SRP19: variants seen among roughly 807,000 people sequenced by gnomAD.
SRP19 encodes the protein signal recognition particle 19, also known as signal recognition particle 19 kDa protein.
In SRP19, 11 loss-of-function variants were observed where a neutral mutation model predicts 22.4. That is an observed-to-expected ratio of 0.49 (90% CI 0.31 to 0.81). The LOEUF is 0.81. SRP19 is among the 40% of genes least tolerant of loss of function. The probability of loss-of-function intolerance (pLI) is 0.05; values close to 1 mark genes in which losing one functional copy is unlikely to be tolerated. For synonymous variants in SRP19, 61 were observed against 57.6 expected (o/e 1.06, Z -0.27); for missense variants, 168 against 175.9 (o/e 0.96, Z 0.25).
downstream of SRP19, chr5:112,869,897 A>G (rs935362877): frequency 6.6e-6 from 1 of 152,202 alleles, no homozygotes; most frequent in Non-Finnish European, 1.5e-5. Flanking sequence ...TTTCCTTTAT[A>G]ATTAATCAGT....
chr5:112,889,380 C>T (rs1350098027), intron 4 of SRP19, among the ~76,000 whole-genome samples: 1 of 150,604 alleles, frequency 6.6e-6, no homozygotes, highest in Non-Finnish European at 1.5e-5. Flanking sequence ...ATCAGACAAA[C>T]ACCAACTCCC....
intron 4 of SRP19, chr5:112,887,256 T>C (rs897481997): frequency 4.8e-5 from 65 of 1,351,132 alleles, no homozygotes; most frequent in Non-Finnish European, 6.1e-5. Context: ...ACACTGTCTT[T>C]CACTACTCTG....
Position 112,862,584 on chromosome 5 carries a change from G to A in SRP19, c.117+1G>A. 2 of 1,613,394 alleles carry A rather than the reference G, an allele frequency of 1.2e-6. No homozygotes were observed. The highest frequency in any genetic ancestry group is 8.5e-7 in the Non-Finnish European group (1 of 1,179,750). On this transcript the variant is annotated splice_donor_variant, in intron 2 of 4. Transcript: ENST00000505459. LOFTEE classifies it high-confidence loss of function. ...GGGAAGGCGAATCCCCATAAGTAAG[G>A]TAAGCAAGATGGCTGGCACCTTGAT...
At chr5:112,885,043 A>T (rs1768199901) in intron 4 of SRP19, 1 of 152,464 alleles carries the variant, frequency 6.6e-6, no homozygotes, top group Non-Finnish European at 1.5e-5. Flanking sequence ...ACAAAAACTG[A>T]ACAGCATACT....
At position 112,892,752 on chromosome 5, in the gene SRP19, G is replaced by T. The variant is rs780166262; in HGVS notation, c.*1145G>T. 3.1e-6 allele frequency: 5 copies of T among 1,613,912 alleles called. No individual in the cohort carries two copies. The East Asian group carries it at 1.1e-4, about 36-fold the overall frequency. On this transcript the variant is annotated 3_prime_UTR_variant, in exon 5 of 5. Transcript: ENST00000391338. ...GCAAGAACTCCGAGAGGAGGGAGAA[G>T]ATGGGCCACCACGACCACTACTACA...
At chr5:112,893,420 A>T (rs779936986), downstream of SRP19, 37 of 176,796 alleles carry the variant, frequency 2.1e-4, no homozygotes, top group Non-Finnish European at 3.7e-4. Context: ...AAAAAATAGA[A>T]TTTTTGGACT....
intron 4 of SRP19, among the ~76,000 whole-genome samples, chr5:112,882,405 CCATTGTCAAG>C: frequency 6.6e-6 from 1 of 152,298 alleles, no homozygotes; most frequent in African/African-American, 2.4e-5. Context: ...AGGTTAAATT[CCATTGTCAAG>C]CATTAACCAC....
chr5:112,872,415 G>A (rs1353343095), downstream of SRP19, among the ~76,000 whole-genome samples: 1 of 140,274 alleles, frequency 7.1e-6, no homozygotes, highest in Non-Finnish European at 1.5e-5. Context: ...TGCAACCTCT[G>A]CCTCCCGGGT....
intron 4 of SRP19, among the ~76,000 whole-genome samples, chr5:112,866,381 G>A (rs929679275): frequency 8.5e-5 from 13 of 152,082 alleles, no homozygotes; most frequent in Admixed American, 7.2e-4. Flanking sequence ...CTCCCAGAAT[G>A]TTGGGATTAT....
At chr5:112,862,260 A>T in intron 1 of SRP19, 2 of 552,544 alleles carry the variant, frequency 3.6e-6, no homozygotes, top group South Asian at 4.2e-5. Context: ...TGCCAGTCTG[A>T]TTGGTTGAGG....
Position 112,869,745 on chromosome 5 carries a change from A to G in SRP19, c.*2208A>G, listed in dbSNP as rs892840175. 9.2e-5 allele frequency: 14 copies of G among 152,158 alleles called. No homozygotes were observed. Among genetic ancestry groups the G allele is most frequent in the Admixed American group, 7.2e-4 (11 of 15,280 alleles). 9.4% of individuals were successfully genotyped at this position (152,158 alleles called of 1,614,324 possible). ...GACTCTCAGGAGATCTGTTGGTTTT[A>G]TAAGTGCCTGGCGTTTCCCCTGCTT... On this transcript the variant is annotated 3_prime_UTR_variant, in exon 5 of 5. Coordinates refer to ENST00000505459, the MANE Select transcript of SRP19 (RefSeq NM_003135.3).
intron 4 of SRP19, among the ~76,000 whole-genome samples, chr5:112,887,664 C>T (rs547763444): frequency 1.3e-5 from 2 of 152,224 alleles, no homozygotes; most frequent in Non-Finnish European, 2.9e-5. Flanking sequence ...TGAATTCTTC[C>T]TTTGGTGGAC....
downstream of SRP19, among the ~76,000 whole-genome samples, chr5:112,873,629 G>A (rs921386200): frequency 6.6e-6 from 1 of 152,036 alleles, no homozygotes; most frequent in African/African-American, 2.4e-5. Context: ...TTACGGGCAT[G>A]AGCCACTGCA....
intron 4 of SRP19, 92 bp from the exon 5 acceptor site, chr5:112,867,312 T>G: frequency 7.1e-7 from 1 of 1,411,222 alleles, no homozygotes; most frequent in Non-Finnish European, 9.6e-7. Context: ...TTTCTTGATG[T>G]GATAGTTTCT....
At chr5:112,884,016 C>A (rs1768154952) in intron 4 of SRP19, among the ~76,000 whole-genome samples, 2 of 152,192 alleles carry the variant, frequency 1.3e-5, no homozygotes, top group Non-Finnish European at 2.9e-5. Flanking sequence ...ACCAAGCCAC[C>A]ATCATCACCT....
intron 2 of SRP19, 43 bp downstream of exon 2, chr5:112,862,626 G>T: frequency 6.4e-7 from 1 of 1,571,590 alleles, no homozygotes; most frequent in Non-Finnish European, 8.7e-7. Context: ...GGGAATGGGG[G>T]GTGTCATCCT....
chr5:112,867,922 G>C lies in SRP19; in HGVS notation c.*385G>C. The C allele has an allele frequency of 2.0e-6, 2 of 989,642 alleles. No individual in the cohort carries two copies. Among genetic ancestry groups the C allele is most frequent in the Non-Finnish European group, 2.4e-6 (2 of 832,178 alleles). 61.3% of individuals were successfully genotyped at this position (989,642 alleles called of 1,614,324 possible). On this transcript the variant is annotated 3_prime_UTR_variant, in exon 5 of 5. Coordinates refer to ENST00000505459, the MANE Select transcript of SRP19 (RefSeq NM_003135.3). ...TTTGAAACTGACTTTTGCAGCTTTT[G>C]CTTATATACTAATGCTAGGAGAGGA...
At chr5:112,888,243 A>G (rs1768321344) in intron 4 of SRP19, among the ~76,000 whole-genome samples, 1 of 152,254 alleles carries the variant, frequency 6.6e-6, no homozygotes, top group African/African-American at 2.4e-5. Flanking sequence ...TTTCTAAGAC[A>G]GTCTTTCAGG....
chr5:112,878,793 CTCT>C (rs772705017), intron 4 of SRP19: 2 of 1,614,112 alleles, frequency 1.2e-6, no homozygotes, highest in Admixed American at 1.7e-5. Flanking sequence ...GGTTTAGGTG[CTCT>C]TCTTTTCTTC....
Sources: gnomAD v4.1 joint callset for allele counts (sites outside exome capture counted in the v4.1 genomes callset) on GRCh38, gnomAD v4.1.1 for gene constraint, MANE v1.5 for transcripts, NCBI Gene and HGNC (gene_info 2026-07-23, HGNC 2026-07-21) for gene names.